RNF169: variants seen among roughly 807,000 people sequenced by gnomAD.
RNF169 encodes the protein ring finger protein 169.
RNF169 carries 24 observed loss-of-function variants against 53.9 expected under a neutral mutation model. The ratio of observed to expected loss-of-function variants is 0.45; its 90% confidence interval spans 0.32 to 0.63. RNF169 has a LOEUF of 0.63. Among genes scored for constraint, RNF169 ranks in the 20% least tolerant of loss-of-function variants. RNF169 has a pLI of 0.04. For missense variants in RNF169, 883 were observed against 906.2 expected (o/e 0.97, Z 0.33); for synonymous variants, 396 against 363.5 (o/e 1.09, Z -1.02).
In RNF169 at chr11:74,839,744, G is replaced by A. The variant is rs1425347757; in HGVS notation, c.*3014G>A. ...CAGCTCTTTTCCATAGAGAGGGAAA[G>A]AAACTTTGAGAAAATGTTCTTGACC... is the stretch of plus-strand genomic sequence containing the variant. On this transcript the variant is annotated 3_prime_UTR_variant, in exon 6 of 6. Transcript: ENST00000299563. The A allele has an allele frequency of 6.6e-6, 1 of 152,194 alleles. No homozygotes were observed. The highest frequency in any genetic ancestry group is 1.9e-4 in the East Asian group (1 of 5,198). 9.4% of individuals were successfully genotyped at this position (152,194 alleles called of 1,614,324 possible). A position where few individuals can be genotyped will look rare whatever the true frequency, so the allele number is the denominator to read the frequency against.
chr11:74,750,349 C>T (rs998223002), intron 1 of RNF169, among the ~76,000 whole-genome samples: 5 of 152,106 alleles, frequency 3.3e-5, no homozygotes, highest in Non-Finnish European at 7.3e-5. Flanking sequence ...TCACGAAAGG[C>T]CAGATATTTG....
At chr11:74,810,936 T>C (rs535932438) in intron 3 of RNF169, among the ~76,000 whole-genome samples, 24 of 152,350 alleles carry the variant, frequency 1.6e-4, no homozygotes, top group Non-Finnish European at 1.5e-5. Flanking sequence ...ATAATCACAA[T>C]TGAGTTTTAT....
chr11:74,786,705 C>T (rs2035509091), intron 1 of RNF169, among the ~76,000 whole-genome samples: 1 of 152,156 alleles, frequency 6.6e-6, no homozygotes, highest in Non-Finnish European at 1.5e-5. Context: ...AAATAGTTTG[C>T]AAAGTGTTTT....
intron 4 of RNF169, among the ~76,000 whole-genome samples, chr11:74,821,589 C>T (rs1207113452): frequency 1.6e-5 from 1 of 62,834 alleles, no homozygotes; most frequent in South Asian, 6.9e-4. Context: ...ACCCGGGAGG[C>T]GGAGCTTGCA....
rs900612434 is a variant in RNF169 at position 74,837,009 on chromosome 11, A to G, written c.*279A>G. 5 of 316,258 alleles carry G rather than the reference A, an allele frequency of 1.6e-5. No homozygotes were observed. Among genetic ancestry groups the G allele is most frequent in the Non-Finnish European group, 2.3e-5 (4 of 170,490 alleles). The allele number at this position is 316,258 out of a possible 1,614,324, so 19.6% of individuals were successfully genotyped here. A position where few individuals can be genotyped will look rare whatever the true frequency, so the allele number is the denominator to read the frequency against. ...GATTTGGAACGGCCTCAGGAGCATA[A>G]TGGCCACAGTTAGTAATGGTAAAGA... On this transcript the variant is annotated 3_prime_UTR_variant, in exon 6 of 6. Transcript: ENST00000299563.
At chr11:74,812,411 C>A (rs1320409115) in intron 3 of RNF169, among the ~76,000 whole-genome samples, 1 of 152,140 alleles carries the variant, frequency 6.6e-6, no homozygotes, top group Non-Finnish European at 1.5e-5. Context: ...TCTCTCTCCT[C>A]AGCCTCCCAA....
chr11:74,792,665 T>A (rs989338046), intron 2 of RNF169, among the ~76,000 whole-genome samples: 2 of 152,158 alleles, frequency 1.3e-5, no homozygotes, highest in Admixed American at 6.5e-5. Context: ...CCTCCCAAAG[T>A]GCTGGGATTA....
intron 2 of RNF169, among the ~76,000 whole-genome samples, chr11:74,798,811 T>C (rs950739855): frequency 3.3e-5 from 5 of 152,170 alleles, no homozygotes; most frequent in African/African-American, 1.2e-4. Flanking sequence ...AGCTGGCCGA[T>C]GCTTAAGGAA....
intron 1 of RNF169, among the ~76,000 whole-genome samples, chr11:74,784,540 G>C (rs1353259010): frequency 6.6e-6 from 1 of 152,232 alleles, no homozygotes; most frequent in African/African-American, 2.4e-5. Context: ...GGCACACAAG[G>C]TGTGCTTAAT....
chr11:74,838,282 T>A lies in RNF169; in HGVS notation c.*1552T>A, dbSNP rs2036287525. 6.6e-6 allele frequency: 1 copy of A among 152,172 alleles called. No individual in the cohort carries two copies. Among genetic ancestry groups the A allele is most frequent in the African/African-American group, 2.4e-5 (1 of 41,452 alleles). 9.4% of individuals were successfully genotyped at this position (152,172 alleles called of 1,614,324 possible). A position where few individuals can be genotyped will look rare whatever the true frequency, so the allele number is the denominator to read the frequency against. On this transcript the variant is annotated 3_prime_UTR_variant, in exon 6 of 6. Transcript: ENST00000299563. ...TCAAGGCAGATAGTATAACTCCTTT[T>A]AAGTGTTCTCAGATTTGCCTTTTCT... is the stretch of plus-strand genomic sequence containing the variant.
intron 4 of RNF169, chr11:74,832,639 A>G (rs1224474510): frequency 1.3e-5 from 2 of 152,164 alleles, no homozygotes; most frequent in African/African-American, 4.8e-5. Flanking sequence ...TGCTCTATTG[A>G]AAGTTAAAAA....
chr11:74,829,464 C>A (rs1390579313), intron 4 of RNF169, among the ~76,000 whole-genome samples: 2 of 152,108 alleles, frequency 1.3e-5, no homozygotes, highest in East Asian at 3.9e-4. Flanking sequence ...AGCAGAAATA[C>A]CATTTGACCC....
chr11:74,828,964 C>G (rs1239222983), intron 4 of RNF169, among the ~76,000 whole-genome samples: 1 of 152,182 alleles, frequency 6.6e-6, no homozygotes, highest in Non-Finnish European at 1.5e-5. Flanking sequence ...ATGTCAAAAG[C>G]AATTGCACCA....
At chr11:74,755,114 G>T (rs1403083053) in intron 1 of RNF169, among the ~76,000 whole-genome samples, 1 of 152,214 alleles carries the variant, frequency 6.6e-6, no homozygotes, top group Non-Finnish European at 1.5e-5. Context: ...TTTAAAATAT[G>T]TAAAATGACT....
chr11:74,802,388 G>A (rs1801965305), intron 2 of RNF169, among the ~76,000 whole-genome samples: 1 of 152,224 alleles, frequency 6.6e-6, no homozygotes, highest in Non-Finnish European at 1.5e-5. Context: ...TCTCACGCTT[G>A]TAATTCCAGC....
At chr11:74,805,487 A>G (rs1385768808) in intron 2 of RNF169, among the ~76,000 whole-genome samples, 1 of 152,222 alleles carries the variant, frequency 6.6e-6, no homozygotes. Flanking sequence ...TGAACTATAC[A>G]TTCCATATGT....
chr11:74,810,158 T>C, intron 2 of RNF169, 26 bp from the exon 3 acceptor site: 1 of 1,589,618 alleles, frequency 6.3e-7, no homozygotes, highest in Non-Finnish European at 8.5e-7. Context: ...CTAAAACTAC[T>C]GTGTTTGCAT....
At chr11:74,771,824 A>G (rs1203653441) in intron 1 of RNF169, among the ~76,000 whole-genome samples, 1 of 152,192 alleles carries the variant, frequency 6.6e-6, no homozygotes, top group Non-Finnish European at 1.5e-5. Flanking sequence ...AGGCCGAGGT[A>G]GGAGGATTGC....
At chr11:74,815,012 T>A (rs1183497089) in intron 3 of RNF169, among the ~76,000 whole-genome samples, 1 of 152,218 alleles carries the variant, frequency 6.6e-6, no homozygotes, top group Non-Finnish European at 1.5e-5. Context: ...TTTCCTCACA[T>A]CTTGCCAACT....
Sources: gnomAD v4.1 joint callset for allele counts (sites outside exome capture counted in the v4.1 genomes callset) on GRCh38, gnomAD v4.1.1 for gene constraint, MANE v1.5 for transcripts, NCBI Gene and HGNC (gene_info 2026-07-23, HGNC 2026-07-21) for gene names.